The following EXTL3 variants were observed in gnomAD, a reference collection of about 807,000 sequenced individuals.
EXTL3 encodes exostosin-like 3.
A neutral mutation model predicts 69.3 loss-of-function variants in EXTL3; 27 were observed. That is an observed-to-expected ratio of 0.39 (90% CI 0.29 to 0.54). EXTL3 has a LOEUF of 0.54. Ranked by LOEUF, EXTL3 falls within the 20% of genes least tolerant of loss-of-function variation. The pLI, the probability that EXTL3 is intolerant of heterozygous loss-of-function variation, is 0.69. For missense variants in EXTL3, 1,003 were observed against 1,231.8 expected, an observed-to-expected ratio of 0.81 and a Z score of 2.78; for synonymous variants, 511 against 499.4, an observed-to-expected ratio of 1.02 and a Z score of -0.31.
In EXTL3 at chr8:28,717,141, G is replaced by A. The variant is rs751502852; in HGVS notation, c.1082G>A (p.Arg361His). The part of the protein sequence containing the change: ...ESLRSSLQEA[R>H]SFEEEMEGDP... ...CTGAGGTCTAGCCTTCAGGAGGCCC[G>A]CTCCTTCGAAGAGGAAATGGAGGGC... Residue 361 changes from arginine to histidine, a missense_variant, in exon 3 of 7, where the codon CGC becomes CAC. This residue lies in a region of EXTL3 where 742 missense variants were observed against 815.4 expected (regional missense o/e 0.91). Transcript: ENST00000220562. This position sits in a 1 kb window ranked among gnomAD's most constrained non-coding sequence, Gnocchi z 8.3. 9.3e-6 allele frequency: 15 copies of A among 1,614,084 alleles called. No individual in the cohort carries two copies. Among genetic ancestry groups the A allele is most frequent in the African/African-American group, 4.0e-5 (3 of 74,942 alleles).
At chr8:28,621,870 A>G (rs1482198226), upstream of EXTL3, among the ~76,000 whole-genome samples, 3 of 152,240 alleles carry the variant, frequency 2.0e-5, no homozygotes, top group African/African-American at 7.2e-5. Context: ...TTGTCACTTA[A>G]CATCGCATGA....
chr8:28,674,274 T>G (rs184411980), intron 1 of EXTL3, among the ~76,000 whole-genome samples: 1 of 152,162 alleles, frequency 6.6e-6, no homozygotes, highest in East Asian at 1.9e-4. Context: ...GGTCTTGCCA[T>G]GTGGCCCAGG....
At chr8:28,696,611 G>A (rs562267773), upstream of EXTL3, 3 of 152,182 alleles carry the variant, frequency 2.0e-5, no homozygotes, top group South Asian at 2.1e-4. Context: ...CCAGGCTGGA[G>A]TGCAGTGGTG....
At chr8:28,728,636 CT>C (rs1350832334) in intron 3 of EXTL3, among the ~76,000 whole-genome samples, 1 of 152,076 alleles carries the variant, frequency 6.6e-6, no homozygotes, top group East Asian at 1.9e-4. Flanking sequence ...AATCCTGTCA[CT>C]TTTTTTGGAA....
intron 4 of EXTL3, among the ~76,000 whole-genome samples, chr8:28,737,002 G>A (rs1379856518): frequency 6.6e-6 from 1 of 152,154 alleles, no homozygotes; most frequent in Non-Finnish European, 1.5e-5. Context: ...GTAGAGACAG[G>A]ATCTTGCTAT....
At chr8:28,718,846 T>G (rs1412438891) in intron 3 of EXTL3, among the ~76,000 whole-genome samples, 1 of 152,208 alleles carries the variant, frequency 6.6e-6, no homozygotes, top group African/African-American at 2.4e-5. Flanking sequence ...GGGTGTCTTG[T>G]AGGTTCTTTC....
chr8:28,738,490 G>A (rs759332962), intron 5 of EXTL3, among the ~76,000 whole-genome samples: 5 of 152,188 alleles, frequency 3.3e-5, no homozygotes, highest in Non-Finnish European at 5.9e-5. Context: ...TAACGATGTA[G>A]CTTCTAGAAA....
intron 1 of EXTL3, among the ~76,000 whole-genome samples, chr8:28,711,344 G>GT (rs990385871): frequency 6.6e-5 from 10 of 150,468 alleles, no homozygotes; most frequent in East Asian, 5.8e-4. Flanking sequence ...GGTTTGTTTT[G>GT]TTTTTTTTCT....
chr8:28,686,230 A>G (rs540344977), intron 1 of EXTL3, among the ~76,000 whole-genome samples: 4 of 152,212 alleles, frequency 2.6e-5, no homozygotes, highest in African/African-American at 7.2e-5. Context: ...AGAGGCTCAC[A>G]CTTGTAATCC....
Position 28,643,581 on chromosome 8 carries a change from A to AT in EXTL3, c.-53+20781dup, listed in dbSNP as rs796643155. On this transcript the variant is annotated intron_variant, in intron 1 of 6. Coordinates refer to the EXTL3 transcript ENST00000523149. ...AGGCGCCCGCTACCACACCCGGCTA[A>AT]TTTTTTTTTTGTATTTTTAGTAGAG... 7.4e-4 allele frequency among the ~76,000 whole-genome samples: 108 copies of AT among 146,874 alleles called. 1 individual carries two copies. The highest frequency in any genetic ancestry group is 2.3e-3 in the African/African-American group (92 of 40,000).
chr8:28,737,440 T>C (rs1801675718), intron 4 of EXTL3, 79 bp from the exon 5 acceptor site: 1 of 1,483,768 alleles, frequency 6.7e-7, no homozygotes, highest in Non-Finnish European at 9.4e-7. Flanking sequence ...GCTTGTAAGG[T>C]GGAGGCAATA....
At chr8:28,710,324 G>T (rs990224609) in intron 1 of EXTL3, 6 of 358,872 alleles carry the variant, frequency 1.7e-5, no homozygotes, top group Admixed American at 3.7e-5. Flanking sequence ...GGAGGTGAAG[G>T]CAGAAAAGAG....
At chr8:28,609,068 G>A (rs373386120) in intron 2 of EXTL3, among the ~76,000 whole-genome samples, 27 of 152,192 alleles carry the variant, frequency 1.8e-4, no homozygotes, top group East Asian at 9.6e-4. Flanking sequence ...TGCTAGCAGA[G>A]CATCCCAGGC....
chr8:28,656,782 C>T (rs934880172), intron 1 of EXTL3, among the ~76,000 whole-genome samples: 1 of 152,090 alleles, frequency 6.6e-6, no homozygotes, highest in Non-Finnish European at 1.5e-5. Flanking sequence ...TAAATATTTG[C>T]TTACTCCTTT....
chr8:28,613,778 T>A (rs950920343), intron 2 of EXTL3, among the ~76,000 whole-genome samples: 4 of 152,196 alleles, frequency 2.6e-5, no homozygotes, highest in East Asian at 1.9e-4. Flanking sequence ...TCTTTAATGA[T>A]CCTTTTAATG....
At chr8:28,619,654 A>T (rs1206591614), upstream of EXTL3, among the ~76,000 whole-genome samples, 1 of 151,322 alleles carries the variant, frequency 6.6e-6, no homozygotes, top group Admixed American at 6.6e-5. Context: ...CAGCCTCCCC[A>T]CTTTGAGACC....
At chr8:28,718,993 G>A (rs1004948241) in intron 3 of EXTL3, among the ~76,000 whole-genome samples, 4 of 152,118 alleles carry the variant, frequency 2.6e-5, no homozygotes, top group East Asian at 1.9e-4. Flanking sequence ...GAGAGATGGC[G>A]ACCATCTCTC....
intron 1 of EXTL3, among the ~76,000 whole-genome samples, chr8:28,631,009 C>T (rs1006104214): frequency 6.6e-6 from 1 of 152,140 alleles, no homozygotes; most frequent in Admixed American, 6.5e-5. Flanking sequence ...CCGTGGGACA[C>T]CTGAGATGAG....
intron 2 of EXTL3, among the ~76,000 whole-genome samples, chr8:28,617,407 GAATA>G (rs1315750278): frequency 6.6e-6 from 1 of 152,078 alleles, no homozygotes; most frequent in Admixed American, 6.6e-5. Flanking sequence ...TTCATCAAAT[GAATA>G]AACAAAAAGG....
Sources: allele counts gnomAD v4.1 joint callset (sites outside exome capture counted in the v4.1 genomes callset), GRCh38; gene constraint gnomAD v4.1.1; regional missense constraint gnomAD v4.1.1; non-coding constraint Gnocchi (gnomAD v3.1); transcripts MANE v1.5; gene names NCBI Gene and HGNC (gene_info 2026-07-23, HGNC 2026-07-21).